Variants in KCNB2 observed in about 807,000 individuals in gnomAD.
The protein encoded by KCNB2 is delayed rectifier potassium channel protein.
KCNB2 carries 15 observed loss-of-function variants against 61.5 expected under a neutral mutation model. That is an observed-to-expected ratio of 0.24 (90% CI 0.16 to 0.38). The LOEUF (loss-of-function observed/expected upper bound fraction) is 0.38. Ranked by LOEUF, KCNB2 falls within the 10% of genes least tolerant of loss-of-function variation. KCNB2 has a pLI of 1.00. For synonymous variants in KCNB2, 457 were observed against 446.0 expected, an observed-to-expected ratio of 1.02 and a Z score of -0.31; for missense variants, 828 against 1,125.2, an observed-to-expected ratio of 0.74 and a Z score of 3.78.
chr8:72,792,036 C>T (rs1373913733), intron 2 of KCNB2, among the ~76,000 whole-genome samples: 1 of 152,170 alleles, frequency 6.6e-6, no homozygotes, highest in Non-Finnish European at 1.5e-5. Context: ...AGACATGGTT[C>T]ATGTTTACTA....
rs1491161722 is a variant in KCNB2 at position 72,628,400 on chromosome 8, G to GGGGT, written c.579+60088_579+60089insGGTG. Among the ~76,000 whole-genome samples the GGGGT allele has an allele frequency of 6.3e-5, 3 of 47,408 alleles. No homozygotes were observed. The East Asian group carries it at 2.8e-3, about 44-fold the overall frequency. 31.1% of individuals were successfully genotyped at this position (47,408 alleles called of 152,430 possible). A position where few individuals can be genotyped will look rare whatever the true frequency, so the allele number is the denominator to read the frequency against. On this transcript the variant is annotated intron_variant, in intron 2 of 2. Coordinates refer to ENST00000523207, the MANE Select transcript of KCNB2 (RefSeq NM_004770.3). The stretch of plus-strand genomic sequence containing the variant: ...ATTATGCAGATTTCTCCTGTTAGGG[G>GGGGT]GTGTGTGTGTGTGTGTGTGTGTGTG...
At chr8:72,705,611 G>T (rs1807209284) in intron 2 of KCNB2, among the ~76,000 whole-genome samples, 1 of 152,182 alleles carries the variant, frequency 6.6e-6, no homozygotes, top group African/African-American at 2.4e-5. Flanking sequence ...TGTAAGTTTG[G>T]GTGTAGTGTA....
chr8:72,899,500 C>G (rs940265833), intron 2 of KCNB2, among the ~76,000 whole-genome samples: 4 of 152,136 alleles, frequency 2.6e-5, no homozygotes, highest in Non-Finnish European at 4.4e-5. Flanking sequence ...ACCAAAAGCT[C>G]CCAAAACTGA....
At chr8:72,585,028 G>A (rs908633634) in intron 2 of KCNB2, among the ~76,000 whole-genome samples, 1 of 152,154 alleles carries the variant, frequency 6.6e-6, no homozygotes, top group Non-Finnish European at 1.5e-5. Flanking sequence ...CCCACCTCTC[G>A]TGCCATAGGC....
At chr8:72,591,934 A>C (rs535484039) in intron 2 of KCNB2, among the ~76,000 whole-genome samples, 1 of 152,318 alleles carries the variant, frequency 6.6e-6, no homozygotes, top group South Asian at 2.1e-4. Context: ...AGTTTACATA[A>C]CTAAAAACTA....
chr8:72,690,504 A>G (rs1399594630), intron 2 of KCNB2, among the ~76,000 whole-genome samples: 2 of 152,190 alleles, frequency 1.3e-5, no homozygotes, highest in African/African-American at 4.8e-5. Context: ...TCCAATACAC[A>G]TGCGTGCATC....
At chr8:72,655,100 G>A (rs1806270229) in intron 2 of KCNB2, among the ~76,000 whole-genome samples, 1 of 152,144 alleles carries the variant, frequency 6.6e-6, no homozygotes, top group African/African-American at 2.4e-5. Flanking sequence ...ACACATCAAA[G>A]AATACTACAC....
At chr8:72,585,946 G>A (rs1337135640) in intron 2 of KCNB2, among the ~76,000 whole-genome samples, 1 of 152,136 alleles carries the variant, frequency 6.6e-6, no homozygotes, top group Non-Finnish European at 1.5e-5. Flanking sequence ...AAAGGGTATG[G>A]TATTTCTGTC....
intron 2 of KCNB2, among the ~76,000 whole-genome samples, chr8:72,706,582 T>C (rs1807229094): frequency 6.6e-6 from 1 of 152,180 alleles, no homozygotes; most frequent in Non-Finnish European, 1.5e-5. Flanking sequence ...TTATAGCTTT[T>C]TACAAAACCA....
intron 2 of KCNB2, among the ~76,000 whole-genome samples, chr8:72,833,809 A>G (rs1036457631): frequency 2.0e-5 from 3 of 152,166 alleles, no homozygotes; most frequent in Non-Finnish European, 2.9e-5. Context: ...GTTAGAAGTC[A>G]TAAGAAGGCC....
chr8:72,864,053 G>A (rs925869643), intron 2 of KCNB2, among the ~76,000 whole-genome samples: 1 of 152,144 alleles, frequency 6.6e-6, no homozygotes, highest in Admixed American at 6.6e-5. Flanking sequence ...ACTTACCCAC[G>A]TGACAGAGGA....
At chr8:72,596,052 A>T (rs1006915438) in intron 2 of KCNB2, among the ~76,000 whole-genome samples, 6 of 152,190 alleles carry the variant, frequency 3.9e-5, no homozygotes, top group Non-Finnish European at 8.8e-5. Flanking sequence ...TAAGATAATT[A>T]GTCAGCATCT....
chr8:72,813,340 T>C (rs1239806352), intron 2 of KCNB2, among the ~76,000 whole-genome samples: 1 of 151,932 alleles, frequency 6.6e-6, no homozygotes, highest in Non-Finnish European at 1.5e-5. Flanking sequence ...CTTTTTTTTT[T>C]CAATTAGAAA....
chr8:72,661,509 C>T (rs568547398), intron 2 of KCNB2: 1 of 152,296 alleles, frequency 6.6e-6, no homozygotes, highest in South Asian at 2.1e-4. Context: ...CCTCATTTGA[C>T]GTAGTCATTT....
At chr8:72,791,309 C>T (rs1034114011) in intron 2 of KCNB2, among the ~76,000 whole-genome samples, 9 of 152,112 alleles carry the variant, frequency 5.9e-5, no homozygotes, top group Admixed American at 2.0e-4. Context: ...CAGCACTTTG[C>T]GGGACCAAGT....
intron 2 of KCNB2, among the ~76,000 whole-genome samples, chr8:72,635,898 T>C: frequency 6.6e-6 from 1 of 152,226 alleles, no homozygotes; most frequent in East Asian, 1.9e-4. Context: ...ATACCTGCCC[T>C]ACTACCTACT....
chr8:72,591,542 A>G (rs1386414070), intron 2 of KCNB2, among the ~76,000 whole-genome samples: 1 of 152,138 alleles, frequency 6.6e-6, no homozygotes, highest in Non-Finnish European at 1.5e-5. Context: ...GAATTTCATG[A>G]TGTGTTTAGG....
intron 2 of KCNB2, among the ~76,000 whole-genome samples, chr8:72,849,261 T>G (rs1810052123): frequency 6.6e-6 from 1 of 151,964 alleles, no homozygotes; most frequent in Admixed American, 6.6e-5. Context: ...ATGGTGCTGT[T>G]TCAATAGATA....
chr8:72,591,072 T>A (rs572854934), intron 2 of KCNB2, among the ~76,000 whole-genome samples: 1 of 152,068 alleles, frequency 6.6e-6, no homozygotes, highest in Non-Finnish European at 1.5e-5. Flanking sequence ...TAAAAATCCT[T>A]TACCCTTTTC....
Sources: gnomAD v4.1 joint callset for allele counts (sites outside exome capture counted in the v4.1 genomes callset) on GRCh38, gnomAD v4.1.1 for gene constraint, MANE v1.5 for transcripts, NCBI Gene and HGNC (gene_info 2026-07-23, HGNC 2026-07-21) for gene names.